APBA1: variants seen among roughly 807,000 people sequenced by gnomAD.
APBA1 encodes amyloid-beta A4 precursor protein-binding family A member 1.
Under a neutral mutation model 86.6 loss-of-function variants are expected in APBA1, and 55 were observed. The ratio of observed to expected loss-of-function variants is 0.64; its 90% CI spans 0.51 to 0.80. The LOEUF is 0.80. APBA1 is among the 30% of genes least tolerant of loss of function. The pLI is 0.00. For synonymous variants in APBA1, 511 were observed against 493.9 expected, an observed-to-expected ratio of 1.03 and a Z score of -0.46; for missense variants, 1,090 against 1,183.0, an observed-to-expected ratio of 0.92 and a Z score of 1.15.
chr9:69,511,761 A>T (rs1174208645), intron 2 of APBA1, among the ~76,000 whole-genome samples: 1 of 151,980 alleles, frequency 6.6e-6, no homozygotes, highest in Non-Finnish European at 1.5e-5. Context: ...TGATGAGTTC[A>T]TGTCCTTTGT....
chr9:69,577,551 A>G (rs945036564), intron 1 of APBA1, among the ~76,000 whole-genome samples: 2 of 152,130 alleles, frequency 1.3e-5, no homozygotes, highest in Non-Finnish European at 2.9e-5. Flanking sequence ...ACAATTTAGG[A>G]CCATCTGAAC....
At position 69,651,768 on chromosome 9, in the gene APBA1, G is replaced by A. The variant is rs530341344; in HGVS notation, c.-70+20385C>T. ...TGAGATTACCGGCGTGAGCCACCAC[G>A]CCTGGTCTCTGACTGTACTTTAACA... On this transcript the variant is annotated intron_variant, in intron 1 of 12. Transcript: ENST00000265381. Among the ~76,000 whole-genome samples, 4 of 152,322 alleles carry A rather than the reference G, an allele frequency of 2.6e-5. No individual in the cohort carries two copies. The South Asian group carries it at 6.2e-4, about 24-fold the overall frequency.
intron 1 of APBA1, among the ~76,000 whole-genome samples, chr9:69,599,793 G>C (rs1822310737): frequency 6.6e-6 from 1 of 152,194 alleles, no homozygotes. Flanking sequence ...AGACTAAAGT[G>C]TGAGAACCAC....
At position 69,665,768 on chromosome 9, in the gene APBA1, C is replaced by A. The variant is rs117465180; in HGVS notation, c.-70+6385G>T. ...CAGCTGACTAGTATTTCATCACTACCCAGACAGAATCACGCTTTGTTTTCT... is the reference window on the plus strand; with the variant it reads ...CAGCTGACTAGTATTTCATCACTACACAGACAGAATCACGCTTTGTTTTCT... On this transcript the variant is annotated intron_variant, in intron 1 of 12. Transcript: ENST00000265381. 4.9e-4 allele frequency among the ~76,000 whole-genome samples: 75 copies of A among 152,294 alleles called. 1 individual carries two copies. In the East Asian group the frequency reaches 0.013, roughly 26 times the overall value.
At chr9:69,603,248 G>A (rs536300729) in intron 1 of APBA1, among the ~76,000 whole-genome samples, 7 of 152,328 alleles carry the variant, frequency 4.6e-5, no homozygotes, top group African/African-American at 1.4e-4. Flanking sequence ...AGGCAAAACC[G>A]TCATCCAAAA....
intron 4 of APBA1, 124 bp from the exon 5 acceptor site, chr9:69,468,092 G>T: frequency 9.0e-7 from 1 of 1,111,196 alleles, no homozygotes; most frequent in Non-Finnish European, 1.3e-6. Context: ...CCAACCTGCT[G>T]GTCTGAGGCA....
rs1403896108 is a variant in APBA1 at position 69,516,430 on chromosome 9, T to A, written c.781A>T (p.Met261Leu). ...TCCTCCTCCTGCTCGTAGCTGTCCATGCGCGGGTAGGGCGCGAACTCGGCC... is the reference window on the plus strand; with the variant it reads ...TCCTCCTCCTGCTCGTAGCTGTCCAAGCGCGGGTAGGGCGCGAACTCGGCC... The part of the protein sequence containing the change: ...KEAEFAPYPR[M>L]DSYEQEEDID... Residue 261 changes from methionine (M) to leucine (L), a missense_variant, in exon 2 of 13, where the codon ATG becomes TTG. This residue lies in a region of APBA1 where 678 missense variants were observed against 647.1 expected (regional missense o/e 1.05). Coordinates refer to ENST00000265381, the MANE Select transcript of APBA1 (RefSeq NM_001163.4). This position sits in a 1 kb window ranked among gnomAD's most constrained non-coding sequence, Gnocchi z 7.3. 1 of 1,604,766 alleles carries A rather than the reference T, an allele frequency of 6.2e-7. No homozygotes were observed. The highest frequency in any genetic ancestry group is 1.7e-5 in the Admixed American group (1 of 59,908).
intron 1 of APBA1, among the ~76,000 whole-genome samples, chr9:69,647,910 G>T (rs10867847): frequency 0.13 from 20,085 of 152,218 alleles, 1,761 homozygotes; most frequent in East Asian, 0.29. Context: ...TTGGTGGGTG[G>T]TCTGTGGGGG....
chr9:69,600,322 T>C (rs1256910631), intron 1 of APBA1, among the ~76,000 whole-genome samples: 2 of 152,316 alleles, frequency 1.3e-5, no homozygotes, highest in Middle Eastern at 3.4e-3. Context: ...TTCTGTCTCT[T>C]AGTAGCTGTG....
intron 2 of APBA1, among the ~76,000 whole-genome samples, chr9:69,503,786 C>T (rs781184987): frequency 3.3e-5 from 5 of 152,040 alleles, no homozygotes; most frequent in Non-Finnish European, 7.4e-5. Context: ...GCCCTCTGAG[C>T]GGCAGGCCAC....
In APBA1 at chr9:69,582,394, G is replaced by A. The variant is rs538848464; in HGVS notation, c.-69-65115C>T. 5.9e-5 allele frequency among the ~76,000 whole-genome samples: 9 copies of A among 152,178 alleles called. No homozygotes were observed. In the South Asian group the frequency reaches 1.9e-3, roughly 32 times the overall value. The stretch of plus-strand genomic sequence containing the variant: ...GGGACGGGTCGCTTTCTCCACCCTG[G>A]ACAATTAGATAATGAGATAGTGATG... On this transcript the variant is annotated intron_variant, in intron 1 of 12. Transcript: ENST00000265381.
At chr9:69,505,033 C>A (rs956665888) in intron 2 of APBA1, among the ~76,000 whole-genome samples, 1 of 152,014 alleles carries the variant, frequency 6.6e-6, no homozygotes, top group African/African-American at 2.4e-5. Context: ...CCGCACACAT[C>A]CTCACAAACA....
At chr9:69,453,057 T>A (rs1001741474) in intron 8 of APBA1, among the ~76,000 whole-genome samples, 5 of 152,260 alleles carry the variant, frequency 3.3e-5, no homozygotes, top group African/African-American at 1.2e-4. Flanking sequence ...CATCTCACTA[T>A]CTCATTATGC....
intron 1 of APBA1, among the ~76,000 whole-genome samples, chr9:69,611,285 GAA>G (rs56357426): frequency 0.13 from 14,648 of 111,804 alleles, 689 homozygotes; most frequent in African/African-American, 0.16. Context: ...ACCAGAAAAG[GAA>G]AAAAAAAAAA....
intron 1 of APBA1, among the ~76,000 whole-genome samples, chr9:69,611,956 TA>T (rs1822600229): frequency 6.6e-6 from 1 of 152,146 alleles, no homozygotes. Flanking sequence ...GTTGATAAAA[TA>T]AAAATTAAAA....
At chr9:69,477,113 C>G (rs114025313) in intron 2 of APBA1, among the ~76,000 whole-genome samples, 6 of 152,102 alleles carry the variant, frequency 3.9e-5, no homozygotes, top group Non-Finnish European at 8.8e-5. Flanking sequence ...CAGGGGGCGG[C>G]GGAGCCAAGA....
intron 1 of APBA1, among the ~76,000 whole-genome samples, chr9:69,542,928 G>C (rs966673550): frequency 5.9e-5 from 9 of 152,186 alleles, no homozygotes; most frequent in Admixed American, 3.9e-4. Context: ...GGAGAGAAGA[G>C]AGGGCAAGTG....
chr9:69,497,690 A>G (rs780224885), intron 2 of APBA1, among the ~76,000 whole-genome samples: 24 of 151,560 alleles, frequency 1.6e-4, no homozygotes, highest in South Asian at 2.1e-4. Flanking sequence ...TCAGGACAAC[A>G]CCTCCTCTTT....
At chr9:69,547,163 G>T (rs1462214983) in intron 1 of APBA1, among the ~76,000 whole-genome samples, 14 of 152,100 alleles carry the variant, frequency 9.2e-5, no homozygotes, top group Admixed American at 8.5e-4. Flanking sequence ...CTTCTCTCAC[G>T]CCCTCAATAT....
Sources: gnomAD v4.1 joint callset for allele counts (sites outside exome capture counted in the v4.1 genomes callset) on GRCh38, gnomAD v4.1.1 for gene constraint, gnomAD v4.1.1 regional missense constraint, Gnocchi (gnomAD v3.1) non-coding constraint, MANE v1.5 for transcripts, NCBI Gene and HGNC (gene_info 2026-07-23, HGNC 2026-07-21) for gene names.